Variants in TMEM232 observed in about 807,000 individuals in gnomAD.
TMEM232 encodes the protein transmembrane protein 232.
A neutral mutation model predicts 78.8 loss-of-function variants in TMEM232; 80 were observed. That is an observed-to-expected ratio of 1.01 (90% CI 0.85 to 1.22). The LOEUF is 1.22. Among genes scored for constraint, TMEM232 ranks in the 50% most tolerant of loss-of-function variants. The probability of loss-of-function intolerance (pLI) is 0.00; values close to 1 mark genes in which losing one functional copy is unlikely to be tolerated. For missense variants in TMEM232, 881 were observed against 742.2 expected, an observed-to-expected ratio of 1.19 and a Z score of -2.17; for synonymous variants, 297 against 254.3, an observed-to-expected ratio of 1.17 and a Z score of -1.60.
At chr5:110,734,403 C>T (rs1038879909) in intron 2 of TMEM232, among the ~76,000 whole-genome samples, 4 of 152,206 alleles carry the variant, frequency 2.6e-5, no homozygotes, top group African/African-American at 9.7e-5. Flanking sequence ...TGCTAACTAA[C>T]ACCTTTCTGC....
intron 11 of TMEM232, among the ~76,000 whole-genome samples, chr5:110,567,502 T>C (rs1287906303): frequency 6.6e-6 from 1 of 151,854 alleles, no homozygotes; most frequent in Non-Finnish European, 1.5e-5. Flanking sequence ...TTTAATGTGT[T>C]ATTACCAAAA....
At chr5:110,700,189 G>A (rs1240278529) in intron 1 of TMEM232, among the ~76,000 whole-genome samples, 1 of 152,028 alleles carries the variant, frequency 6.6e-6, no homozygotes, top group Admixed American at 6.6e-5. Context: ...CTAAAGTCCA[G>A]CACTGTAAAC....
At chr5:110,545,482 G>A (rs1019766613) in intron 11 of TMEM232, among the ~76,000 whole-genome samples, 2 of 151,824 alleles carry the variant, frequency 1.3e-5, no homozygotes, top group Non-Finnish European at 2.9e-5. Flanking sequence ...TTGCTACATT[G>A]GCATTCTATT....
At chr5:110,478,733 G>T (rs1389133832) in intron 12 of TMEM232, among the ~76,000 whole-genome samples, 1 of 151,712 alleles carries the variant, frequency 6.6e-6, no homozygotes, top group Non-Finnish European at 1.5e-5. Context: ...ATAAGGCAAT[G>T]TTTTGAGTTT....
chr5:110,529,386 C>T (rs918647573), intron 11 of TMEM232, among the ~76,000 whole-genome samples: 8 of 152,184 alleles, frequency 5.3e-5, no homozygotes, highest in African/African-American at 1.2e-4. Flanking sequence ...GCTAGGACTA[C>T]AGGCATGGAC....
chr5:110,687,811 T>G (rs1474133841), intron 1 of TMEM232, among the ~76,000 whole-genome samples: 2 of 152,024 alleles, frequency 1.3e-5, no homozygotes, highest in Non-Finnish European at 2.9e-5. Context: ...TGGTGCAAAA[T>G]ATGTTGGAAA....
chr5:110,656,170 A>C (rs1789028368), intron 2 of TMEM232, among the ~76,000 whole-genome samples: 2 of 152,184 alleles, frequency 1.3e-5, no homozygotes, highest in Admixed American at 1.3e-4. Flanking sequence ...AAGCACCTTC[A>C]ATTTCAGAAA....
chr5:110,657,408 T>TGTG (rs1554070765), intron 2 of TMEM232, among the ~76,000 whole-genome samples: 1 of 151,542 alleles, frequency 6.6e-6, no homozygotes, highest in African/African-American at 2.4e-5. Flanking sequence ...TGTGTGTGTG[T>TGTG]AGTAGAATAC....
chr5:110,630,832 G>A (rs779895729), intron 5 of TMEM232, among the ~76,000 whole-genome samples: 14 of 152,132 alleles, frequency 9.2e-5, no homozygotes, highest in Non-Finnish European at 1.9e-4. Flanking sequence ...AAGAACTTCA[G>A]TGGTCTATGT....
At chr5:110,626,916 T>A (rs533732950) in intron 6 of TMEM232, among the ~76,000 whole-genome samples, 7 of 152,154 alleles carry the variant, frequency 4.6e-5, no homozygotes, top group African/African-American at 1.7e-4. Context: ...CAATAATCCA[T>A]TAAATGTATG....
chr5:110,663,244 C>A (rs1179143888), intron 2 of TMEM232, among the ~76,000 whole-genome samples: 1 of 151,912 alleles, frequency 6.6e-6, no homozygotes, highest in Non-Finnish European at 1.5e-5. Context: ...ATTAATGAAT[C>A]TTAAAAACAT....
At chr5:110,539,163 G>A (rs1446129296) in intron 11 of TMEM232, among the ~76,000 whole-genome samples, 1 of 152,130 alleles carries the variant, frequency 6.6e-6, no homozygotes, top group East Asian at 1.9e-4. Context: ...ATCTAGGGAA[G>A]CCTAAAATAG....
At chr5:110,658,279 T>C (rs1352172601) in intron 2 of TMEM232, among the ~76,000 whole-genome samples, 1 of 152,194 alleles carries the variant, frequency 6.6e-6, no homozygotes, top group East Asian at 1.9e-4. Flanking sequence ...CTTTATGATA[T>C]GAAACCAGAA....
chr5:110,670,667 C>T (rs1457060055), intron 1 of TMEM232, among the ~76,000 whole-genome samples: 2 of 151,848 alleles, frequency 1.3e-5, no homozygotes, highest in African/African-American at 4.8e-5. Context: ...TAGAGGAGTG[C>T]CATCCAGACT....
chr5:110,546,125 A>G (rs1004333894), intron 11 of TMEM232, among the ~76,000 whole-genome samples: 15 of 152,066 alleles, frequency 9.9e-5, no homozygotes, highest in Admixed American at 3.3e-4. Flanking sequence ...TAAATATTTC[A>G]CCTCTCCTCC....
intron 2 of TMEM232, among the ~76,000 whole-genome samples, chr5:110,650,186 T>C (rs1788103001): frequency 6.6e-6 from 1 of 152,032 alleles, no homozygotes; most frequent in Non-Finnish European, 1.5e-5. Context: ...ATTAAAATTT[T>C]ATATTTATAT....
intron 11 of TMEM232, among the ~76,000 whole-genome samples, chr5:110,543,520 T>C (rs1380087247): frequency 1.3e-5 from 2 of 152,226 alleles, no homozygotes; most frequent in Non-Finnish European, 2.9e-5. Context: ...GTCATCAATG[T>C]AAACTTGAAA....
intron 11 of TMEM232, among the ~76,000 whole-genome samples, chr5:110,545,243 A>G (rs1322299766): frequency 6.6e-6 from 1 of 152,002 alleles, no homozygotes; most frequent in East Asian, 1.9e-4. Flanking sequence ...CACCACCAGC[A>G]TGTCATTTTA....
chr5:110,619,267 T>C lies in TMEM232; in HGVS notation c.769-705A>G, dbSNP rs115337962. ...TTATGTTAAAATGAAACACTTAGAATCTAAAGGGCTTCATAATTCTTATTT... is the reference window on the plus strand; with the variant it reads ...TTATGTTAAAATGAAACACTTAGAACCTAAAGGGCTTCATAATTCTTATTT... On this transcript the variant is annotated intron_variant, in intron 7 of 13. Coordinates refer to ENST00000455884, the MANE Select transcript of TMEM232 (RefSeq NM_001039763.4). 5.2e-3 allele frequency among the ~76,000 whole-genome samples: 796 copies of C among 152,280 alleles called. 7 individuals carry two copies. Among genetic ancestry groups the C allele is most frequent in the African/African-American group, 0.018 (763 of 41,586 alleles).
Sources: gnomAD v4.1 joint callset for allele counts (sites outside exome capture counted in the v4.1 genomes callset) on GRCh38, gnomAD v4.1.1 for gene constraint, MANE v1.5 for transcripts, NCBI Gene and HGNC (gene_info 2026-07-23, HGNC 2026-07-21) for gene names.